The following ABHD5 variants were observed in gnomAD, a reference collection of about 807,000 sequenced individuals.
The protein encoded by ABHD5 is 1-acylglycerol-3-phosphate O-acyltransferase ABHD5.
Under a neutral mutation model 44.9 loss-of-function variants are expected in ABHD5, and 30 were observed. The ratio of observed to expected loss-of-function variants is 0.67; its 90% CI spans 0.50 to 0.91. ABHD5 has a LOEUF of 0.91. Ranked by LOEUF, ABHD5 falls within the 40% of genes least tolerant of loss-of-function variation. ABHD5 has a pLI of 0.00. For missense variants in ABHD5, 399 were observed against 423.4 expected (o/e 0.94, Z 0.50); for synonymous variants, 167 against 147.0 (o/e 1.14, Z -0.99).
At chr3:43,692,442 T>C (rs2084406704) in intron 1 of ABHD5, among the ~76,000 whole-genome samples, 2 of 152,166 alleles carry the variant, frequency 1.3e-5, no homozygotes, top group South Asian at 4.1e-4. Flanking sequence ...TTTGATGTAG[T>C]GGGGCCTTGG....
chr3:43,729,321 G>T (rs2084898412), intron 7 of ABHD5, among the ~76,000 whole-genome samples: 1 of 152,174 alleles, frequency 6.6e-6, no homozygotes, highest in East Asian at 1.9e-4. Context: ...TTTACAAAAG[G>T]CTCCGCAAAT....
chr3:43,703,685 G>C (rs1434647603), intron 3 of ABHD5, among the ~76,000 whole-genome samples: 1 of 152,132 alleles, frequency 6.6e-6, no homozygotes, highest in African/African-American at 2.4e-5. Flanking sequence ...AATTGCAACT[G>C]ATTTTGACTT....
At chr3:43,703,751 C>T in intron 3 of ABHD5, among the ~76,000 whole-genome samples, 1 of 127,606 alleles carries the variant, frequency 7.8e-6, no homozygotes, top group Admixed American at 7.8e-5. Flanking sequence ...CTGTATGTAC[C>T]TATAAGATCT....
intron 2 of ABHD5, among the ~76,000 whole-genome samples, chr3:43,700,700 A>G (rs2084530797): frequency 6.8e-6 from 1 of 146,486 alleles, no homozygotes; most frequent in Admixed American, 6.8e-5. Context: ...CAGCCTCCCA[A>G]GTAGCTGGGA....
Position 43,718,397 on chromosome 3 carries a change from T to G in ABHD5, c.961-46T>G, listed in dbSNP as rs749369978. ...TTGCTTATATATCATTCTGTTTTAT[T>G]AAATGCTTTTACTCACTAACTGTCT... On this transcript the variant is annotated intron_variant, in intron 6 of 6. Transcript: ENST00000644371. 9 of 1,489,734 alleles carry G rather than the reference T, an allele frequency of 6.0e-6. No individual in the cohort carries two copies. The Admixed American group carries it at 1.5e-4, about 25-fold the overall frequency. 92.3% of individuals were successfully genotyped at this position (1,489,734 alleles called of 1,614,324 possible).
intron 2 of ABHD5, chr3:43,701,808 C>T (rs2149595710): frequency 6.3e-6 from 1 of 159,032 alleles, no homozygotes; most frequent in African/African-American, 2.4e-5. Context: ...AAGAATACCA[C>T]CTTGAAATTG....
At chr3:43,700,634 C>T (rs2084529739) in intron 2 of ABHD5, among the ~76,000 whole-genome samples, 2 of 151,078 alleles carry the variant, frequency 1.3e-5, no homozygotes, top group South Asian at 4.2e-4. Context: ...AGTGCAGTGG[C>T]ACAATCTCAG....
At chr3:43,733,523 T>C (rs183798097) in intron 7 of ABHD5, among the ~76,000 whole-genome samples, 236 of 152,374 alleles carry the variant, frequency 1.5e-3, no homozygotes, top group Middle Eastern at 6.8e-3. Context: ...GTCAAAATGT[T>C]ATGCCATGAA....
In ABHD5 at chr3:43,714,992, A is replaced by G; in HGVS notation, c.707A>G (p.Tyr236Cys). 1 of 1,613,522 alleles carries G rather than the reference A, an allele frequency of 6.2e-7. No homozygotes were observed. Among genetic ancestry groups the G allele is most frequent in the East Asian group, 2.2e-5 (1 of 44,838 alleles). The change falls in exon 5 of 7, where the codon TAT (tyrosine) becomes TGT (cysteine). Residue 236 changes from tyrosine (Y) to cysteine (C), a missense_variant. Transcript: ENST00000644371. ...QRLRPDFKRK[Y>C]SSMFEDDTVT... ...TTAAGGCCTGATTTCAAACGAAAGT[A>G]TTCTTCAATGTTCGAAGACGATACT...
rs1249282022 is a variant in ABHD5 at position 43,718,514 on chromosome 3, C to T, written c.1032C>T (p.Ile344=). ...AATTCAACCAGAAAGTAAAGGAGAT[C>T]TGCGACACTGTGGACTGAACACACT... ...PEEFNQKVKE[I]CDTVD is the part of the protein sequence containing the mutation. The change falls in exon 7 of 7, where the codon ATC becomes ATT. Residue 344 remains isoleucine, a synonymous_variant. Transcript: ENST00000644371. The T allele has an allele frequency of 4.3e-6, 7 of 1,613,992 alleles. No individual in the cohort carries two copies. Among genetic ancestry groups the T allele is most frequent in the Middle Eastern group, 1.6e-4 (1 of 6,080 alleles).
chr3:43,692,007 GTAGT>G (rs1345981251), intron 1 of ABHD5, among the ~76,000 whole-genome samples: 2 of 152,242 alleles, frequency 1.3e-5, no homozygotes, highest in African/African-American at 2.4e-5. Context: ...TAGAAGAATA[GTAGT>G]TAATGAGTGG....
chr3:43,721,556 C>A lies in ABHD5; in HGVS notation c.*3024C>A, dbSNP rs2084836459. The A allele has an allele frequency of 7.1e-6, 1 of 141,828 alleles. No homozygotes were observed. The allele number at this position is 141,828 out of a possible 1,614,324, so 8.8% of individuals were successfully genotyped here. A position where few individuals can be genotyped will look rare whatever the true frequency, so the allele number is the denominator to read the frequency against. The stretch of plus-strand genomic sequence containing the variant: ...AACCTGGGCAACCTAGTAGGACTGG[C>A]TCTACCAAAAAAAAAAAAAAAAAAA... On this transcript the variant is annotated 3_prime_UTR_variant, in exon 7 of 7. Transcript: ENST00000644371.
chr3:43,703,740 C>T (rs1039552685), intron 3 of ABHD5, among the ~76,000 whole-genome samples: 1 of 150,164 alleles, frequency 6.7e-6, no homozygotes, highest in Non-Finnish European at 1.5e-5. Context: ...TTTCAGAGTG[C>T]CTGTATGTAC....
At chr3:43,693,750 C>CT (rs11294193) in intron 1 of ABHD5, among the ~76,000 whole-genome samples, 7,519 of 140,238 alleles carry the variant, frequency 0.054, 561 homozygotes, top group African/African-American at 0.17. Context: ...AGTTTCTCCT[C>CT]TTTTTTTTTT....
intron 4 of ABHD5, among the ~76,000 whole-genome samples, chr3:43,714,425 G>T (rs995830031): frequency 6.6e-6 from 1 of 152,070 alleles, no homozygotes; most frequent in Non-Finnish European, 1.5e-5. Context: ...GAGCCATCAC[G>T]CCTGGGTGTC....
intron 7 of ABHD5, among the ~76,000 whole-genome samples, chr3:43,732,616 G>A (rs954210970): frequency 1.3e-5 from 2 of 152,186 alleles, no homozygotes; most frequent in African/African-American, 4.8e-5. Context: ...AGAACTAATT[G>A]TATTTTTAAA....
chr3:43,702,232 A>G lies in ABHD5; in HGVS notation c.151A>G (p.Lys51Glu), dbSNP rs764742894. 6.3e-7 allele frequency: 1 copy of G among 1,588,164 alleles called. No homozygotes were observed. The highest frequency in any genetic ancestry group is 8.6e-7 in the Non-Finnish European group (1 of 1,163,968). The change falls in exon 3 of 7, where the codon AAA becomes GAA. Residue 51 changes from lysine (K) to glutamate (E), a missense_variant. By Grantham distance (56) the Lys-to-Glu change is moderately conservative. Transcript: ENST00000644371. ...KMLKCVPCTY[K>E]KEPVRISNGN... Reference sequence around the variant, plus strand: ...TTCATTAGGTGTGCCTTGCACATACAAAAAAGAACCTGTTCGTATATCTAA... The same window carrying G: ...TTCATTAGGTGTGCCTTGCACATACGAAAAAGAACCTGTTCGTATATCTAA...
At chr3:43,708,557 A>G (rs559610301) in intron 3 of ABHD5, among the ~76,000 whole-genome samples, 1 of 152,312 alleles carries the variant, frequency 6.6e-6, no homozygotes, top group South Asian at 2.1e-4. Flanking sequence ...CTACTCTTGT[A>G]GTCTTCCTAT....
intron 6 of ABHD5, 94 bp downstream of exon 6, chr3:43,717,951 G>A (rs1298307364): frequency 6.5e-6 from 10 of 1,528,424 alleles, no homozygotes; most frequent in Non-Finnish European, 9.0e-6. Context: ...TCGTGTTGCA[G>A]GTCATCTGAG....
Sources: allele counts gnomAD v4.1 joint callset (sites outside exome capture counted in the v4.1 genomes callset), GRCh38; gene constraint gnomAD v4.1.1; transcripts MANE v1.5; gene names NCBI Gene and HGNC (gene_info 2026-07-23, HGNC 2026-07-21).